Variants in CEP104 observed in about 807,000 individuals in gnomAD.
CEP104 encodes the protein centrosomal protein 104.
In CEP104, 84 loss-of-function variants were observed where a neutral mutation model predicts 113.3. That is an observed-to-expected ratio of 0.74 (90% CI 0.62 to 0.89). The LOEUF (loss-of-function observed/expected upper bound fraction) is 0.89. CEP104 is among the 40% of genes least tolerant of loss of function. The pLI, the probability that CEP104 is intolerant of heterozygous loss-of-function variation, is 0.00. For missense variants in CEP104, 1,053 were observed against 1,156.6 expected (o/e 0.91, Z 1.30); for synonymous variants, 378 against 421.7 (o/e 0.90, Z 1.27).
chr1:3,829,466 T>C, intron 14 of CEP104, 93 bp from the exon 15 acceptor site: 2 of 819,474 alleles, frequency 2.4e-6, no homozygotes, highest in South Asian at 1.7e-5. Flanking sequence ...ATATTTCTTA[T>C]AAATTATAAT....
intron 6 of CEP104, among the ~76,000 whole-genome samples, chr1:3,842,830 C>T (rs1314969453): frequency 6.6e-6 from 1 of 152,098 alleles, no homozygotes; most frequent in Non-Finnish European, 1.5e-5. Flanking sequence ...CTCTGTCCCC[C>T]AGACTGTAGT....
intron 13 of CEP104, among the ~76,000 whole-genome samples, 159 bp from the exon 14 acceptor site, chr1:3,830,156 G>T (rs550746531): frequency 5.3e-5 from 8 of 152,010 alleles, no homozygotes; most frequent in African/African-American, 1.7e-4. Flanking sequence ...CGGATCTACC[G>T]TCTCATCGTA....
Position 3,815,408 on chromosome 1 carries a change from C to G in CEP104, c.2772G>C (p.Lys924Asn), listed in dbSNP as rs767581799. Reference sequence around the variant, plus strand: ...AAGGAGCCCGAGCGCCGCGTCAGCGCTTGGCGTACGTCCTGCTGGAGCTCT... The same window carrying G: ...AAGGAGCCCGAGCGCCGCGTCAGCGGTTGGCGTACGTCCTGCTGGAGCTCT... ...LSKSSSRTYA[K>N]R The change falls in exon 22 of 22, where the codon AAG (lysine) becomes AAC (asparagine). Residue 924 changes from lysine (K) to asparagine (N), a missense_variant. Coordinates refer to ENST00000378230, the MANE Select transcript of CEP104 (RefSeq NM_014704.4). The G allele has an allele frequency of 6.2e-7, 1 of 1,610,814 alleles. No homozygotes were observed. The highest frequency in any genetic ancestry group is 2.2e-5 in the East Asian group (1 of 44,858).
At chr1:3,834,313 CT>C (rs1644270806) in intron 11 of CEP104, among the ~76,000 whole-genome samples, 1 of 151,444 alleles carries the variant, frequency 6.6e-6, no homozygotes, top group African/African-American at 2.4e-5. Flanking sequence ...CAAATCTTCC[CT>C]TCATACCGAG....
At chr1:3,828,224 G>A (rs918165125) in intron 15 of CEP104, among the ~76,000 whole-genome samples, 2 of 152,182 alleles carry the variant, frequency 1.3e-5, no homozygotes, top group Non-Finnish European at 2.9e-5. Context: ...TTCAGTTTGC[G>A]ACATCCGTGT....
At chr1:3,817,391 C>A (rs141395512) in intron 20 of CEP104, among the ~76,000 whole-genome samples, 4 of 152,294 alleles carry the variant, frequency 2.6e-5, no homozygotes, top group African/African-American at 9.6e-5. Context: ...CTCTCCCATT[C>A]TCTGGTGGAC....
At chr1:3,825,464 T>C (rs1367660869) in intron 18 of CEP104, among the ~76,000 whole-genome samples, 9 of 152,152 alleles carry the variant, frequency 5.9e-5, no homozygotes, top group African/African-American at 2.2e-4. Context: ...GTTCCGTTTC[T>C]ACAAAGCTCA....
rs1297578500 is a variant in CEP104 at position 3,829,850 on chromosome 1, T to C, written c.1984A>G (p.Lys662Glu). Residue 662 changes from lysine to glutamate, a missense_variant, in exon 14 of 22, where the codon AAA (lysine) becomes GAA (glutamate). Lys to Glu is a moderately conservative substitution (Grantham distance 56). Coordinates refer to ENST00000378230, the MANE Select transcript of CEP104 (RefSeq NM_014704.4). ...TTAGCAAATCCCTCAAAAATTGTTT[T>C]GTAGAGAATGTTCCTGCGTGTGTTG... ...DSNTRRNILY[K>E]TIFEGFAKID... 2 of 1,614,084 alleles carry C rather than the reference T, an allele frequency of 1.2e-6. No homozygotes were observed. The highest frequency in any genetic ancestry group is 1.3e-5 in the African/African-American group (1 of 74,944).
intron 18 of CEP104, among the ~76,000 whole-genome samples, 154 bp downstream of exon 18, chr1:3,825,604 C>T (rs955282690): frequency 1.3e-5 from 2 of 152,208 alleles, no homozygotes; most frequent in African/African-American, 4.8e-5. Flanking sequence ...GAATGACTCG[C>T]ACGCATTTGC....
intron 17 of CEP104, among the ~76,000 whole-genome samples, chr1:3,826,100 C>T (rs1644085505): frequency 6.6e-6 from 1 of 152,138 alleles, no homozygotes; most frequent in African/African-American, 2.4e-5. Flanking sequence ...AAGTCCTCAC[C>T]AAGGAGGTGC....
At chr1:3,829,212 G>T in intron 15 of CEP104, 54 bp downstream of exon 15, 1 of 1,224,368 alleles carries the variant, frequency 8.2e-7, no homozygotes, top group Non-Finnish European at 1.1e-6. Context: ...GATCTATACA[G>T]CAAAATACAT....
rs1003805167 is a variant in CEP104, at chr1:3,839,041, T to A, written c.814A>T (p.Lys272Ter). ...CGATACTGCTCCATCTGCTGCTTCT[T>A]CTCCTTGGCGAGATCGTAGTCTTCC... ...EKEDYDLAKEKKQQMEQYRAE... is the reference protein window; with the variant it reads ...EKEDYDLAKE The change falls in exon 8 of 22, where the codon AAG becomes TAG. Residue 272 changes from lysine (K) to a stop codon, truncating the protein, a stop_gained. Transcript: ENST00000378230. LOFTEE classifies it high-confidence loss of function. 1 of 1,613,968 alleles carries A rather than the reference T, an allele frequency of 6.2e-7. No individual in the cohort carries two copies. Among genetic ancestry groups the A allele is most frequent in the Non-Finnish European group, 8.5e-7 (1 of 1,180,028 alleles).
At chr1:3,852,877 G>A (rs115388368) in intron 1 of CEP104, among the ~76,000 whole-genome samples, 72 of 151,946 alleles carry the variant, frequency 4.7e-4, no homozygotes, top group African/African-American at 1.6e-3. Flanking sequence ...GGCAGAGACC[G>A]GAGCAACGCA....
At chr1:3,853,100 T>G (rs548701894) in intron 1 of CEP104, among the ~76,000 whole-genome samples, 1 of 152,154 alleles carries the variant, frequency 6.6e-6, no homozygotes, top group East Asian at 1.9e-4. Context: ...AACACAAACT[T>G]CTTTCTATTA....
Position 3,857,077 on chromosome 1 carries a change from G to C in CEP104, c.-203C>G, listed in dbSNP as rs1644751149. ...CCGCTTCCTCAGACGGAACTCGGGG[G>C]GCGCCCCTTCCGCCGCCCCAGGCCG... On this transcript the variant is annotated 5_prime_UTR_variant, in exon 1 of 22. Coordinates refer to ENST00000378230, the MANE Select transcript of CEP104 (RefSeq NM_014704.4). 1.3e-5 allele frequency: 2 copies of C among 152,378 alleles called. No individual in the cohort carries two copies. The highest frequency in any genetic ancestry group is 4.8e-5 in the African/African-American group (2 of 41,460). The allele number at this position is 152,378 out of a possible 1,614,324, so 9.4% of individuals were successfully genotyped here.
In CEP104 at chr1:3,825,994, T is replaced by C; in HGVS notation, c.2256-128A>G. On this transcript the variant is annotated intron_variant, in intron 17 of 21. Transcript: ENST00000378230. ...TGATGTGTGCACTTTCCCTCTCATC[T>C]GGAACTGCCTCAGTTTGCTCTGCAG... is the stretch of plus-strand genomic sequence containing the variant. 3 of 716,560 alleles carry C rather than the reference T, an allele frequency of 4.2e-6. No individual in the cohort carries two copies. The South Asian group carries it at 5.0e-5, about 12-fold the overall frequency. 44.4% of individuals were successfully genotyped at this position (716,560 alleles called of 1,614,324 possible). A position where few individuals can be genotyped will look rare whatever the true frequency, so the allele number is the denominator to read the frequency against.
chr1:3,821,092 GC>G (rs1643963197), intron 20 of CEP104, among the ~76,000 whole-genome samples: 1 of 152,198 alleles, frequency 6.6e-6, no homozygotes, highest in African/African-American at 2.4e-5. Flanking sequence ...TGGGCATGAG[GC>G]CCCCAGCGCT....
rs1431002629 is a variant in CEP104, at chr1:3,845,155, A to T, written c.489+134T>A. On this transcript the variant is annotated intron_variant, in intron 5 of 21. Transcript: ENST00000378230. ...AGTTTCATATGCTACAGCTCCTAAA[A>T]ATCATCTGAAAGTTATTCACTAGTC... 27 of 847,772 alleles carry T rather than the reference A, an allele frequency of 3.2e-5. 1 individual carries two copies. The East Asian group carries it at 6.7e-4, about 21-fold the overall frequency. 52.5% of individuals were successfully genotyped at this position (847,772 alleles called of 1,614,324 possible). A position where few individuals can be genotyped will look rare whatever the true frequency, so the allele number is the denominator to read the frequency against.
Position 3,852,344 on chromosome 1 carries a change from G to A in CEP104, c.64C>T (p.Arg22Trp), listed in dbSNP as rs746926318. 12 of 1,613,932 alleles carry A rather than the reference G, an allele frequency of 7.4e-6. No individual in the cohort carries two copies. Among genetic ancestry groups the A allele is most frequent in the African/African-American group, 4.0e-5 (3 of 74,902 alleles). The change falls in exon 2 of 22, where the codon CGG (arginine) becomes TGG (tryptophan). Residue 22 changes from arginine (R) to tryptophan (W), a missense_variant. Transcript: ENST00000378230. ...GTTGGCGCGTGGATCATGAGCTCCC[G>A]GGCACTGAAGCCGTCTTCGTGTCCA... Reference protein sequence around the residue: ...SSGHEDGFSARELMIHAPTVS... With the variant: ...SSGHEDGFSAWELMIHAPTVS...
Sources: gnomAD v4.1 joint callset for allele counts (sites outside exome capture counted in the v4.1 genomes callset) on GRCh38, gnomAD v4.1.1 for gene constraint, MANE v1.5 for transcripts, NCBI Gene and HGNC (gene_info 2026-07-23, HGNC 2026-07-21) for gene names.